UBE2E1: variants seen among roughly 807,000 people sequenced by gnomAD.
The protein encoded by UBE2E1 is ubiquitin conjugating enzyme E2 E1.
In UBE2E1, 6 loss-of-function variants were observed where a neutral mutation model predicts 21.4. The observed-to-expected ratio is 0.28, with a 90% CI of 0.15 to 0.55. The LOEUF (loss-of-function observed/expected upper bound fraction) is 0.55, where lower values mean the gene tolerates loss of function less well. UBE2E1 is among the 20% of genes least tolerant of loss of function. The pLI is 0.93. For synonymous variants in UBE2E1, 87 were observed against 82.7 expected, an observed-to-expected ratio of 1.05 and a Z score of -0.28; for missense variants, 142 against 236.5, an observed-to-expected ratio of 0.60 and a Z score of 2.62.
In UBE2E1 at chr3:23,873,447, A is replaced by AC. The variant is rs935271308; in HGVS notation, c.204-14120_204-14119insC. Among the ~76,000 whole-genome samples the AC allele has an allele frequency of 2.2e-4, 13 of 60,258 alleles. No homozygotes were observed. In the Admixed American group the frequency reaches 2.3e-3, roughly 11 times the overall value. 39.5% of individuals were successfully genotyped at this position (60,258 alleles called of 152,430 possible). A position where few individuals can be genotyped will look rare whatever the true frequency, so the allele number is the denominator to read the frequency against. ...TGGAGGTTGAGGTTGAAGCAGCAGC[A>AC]AAATGTCAGAATTAGGCAGTCGGGC... On this transcript the variant is annotated intron_variant, in intron 3 of 5. Coordinates refer to ENST00000306627, the MANE Select transcript of UBE2E1 (RefSeq NM_003341.5).
chr3:23,890,705 G>C lies in UBE2E1; in HGVS notation c.*99G>C, dbSNP rs1369607746. ...GAGGGTGGGAGTTGGTAAAGAGTAG[G>C]GTATTTCTATAACAGATATTATTCA... On this transcript the variant is annotated 3_prime_UTR_variant, in exon 6 of 6. Transcript: ENST00000306627. 9.5e-7 allele frequency: 1 copy of C among 1,054,674 alleles called. No individual in the cohort carries two copies. The highest frequency in any genetic ancestry group is 2.7e-5 in the East Asian group (1 of 37,368). 65.3% of individuals were successfully genotyped at this position (1,054,674 alleles called of 1,614,324 possible). A position where few individuals can be genotyped will look rare whatever the true frequency, so the allele number is the denominator to read the frequency against.
intron 3 of UBE2E1, among the ~76,000 whole-genome samples, chr3:23,845,054 T>TA (rs1300717171): frequency 6.6e-6 from 1 of 152,132 alleles, no homozygotes; most frequent in Non-Finnish European, 1.5e-5. Context: ...GATTCCTACT[T>TA]AATACCATAT....
At chr3:23,829,000 C>T (rs895208365) in intron 3 of UBE2E1, among the ~76,000 whole-genome samples, 5 of 152,016 alleles carry the variant, frequency 3.3e-5, no homozygotes, top group Non-Finnish European at 7.4e-5. Context: ...AAAATAAAAG[C>T]CCTCCAGTGG....
In UBE2E1 at chr3:23,806,281, G is replaced by C. The variant is rs1699265143; in HGVS notation, c.-34+193G>C. Among the ~76,000 whole-genome samples, 1 of 150,612 alleles carries C rather than the reference G, an allele frequency of 6.6e-6. No homozygotes were observed. The highest frequency in any genetic ancestry group is 1.5e-5 in the Non-Finnish European group (1 of 67,414). On this transcript the variant is annotated intron_variant, in intron 1 of 5. Coordinates refer to ENST00000306627, the MANE Select transcript of UBE2E1 (RefSeq NM_003341.5). The surrounding 1 kb of genome is among the most constrained non-coding windows in gnomAD (Gnocchi z 6.5). ...GGCCCGCCCGCGGGGGATGGGCAGG[G>C]ACCCCGGGCCGCGTGGGGTGCGGGG...
Position 23,847,488 on chromosome 3 carries a change from ATTTTTTT to A in UBE2E1, c.203+35996_203+36002del, listed in dbSNP as rs71057627. ...ATCTGTGTGTGTACATGTACTTTAAATTTTTTTTTTTTTTTTTTTTTTTTGAGACAGA... is the reference window on the plus strand; with the variant it reads ...ATCTGTGTGTGTACATGTACTTTAAATTTTTTTTTTTTTTTTTGAGACAGA... On this transcript the variant is annotated intron_variant, in intron 3 of 5. Transcript: ENST00000306627. Among the ~76,000 whole-genome samples, 295 of 96,138 alleles carry A rather than the reference ATTTTTTT, an allele frequency of 3.1e-3. 1 individual carries two copies. The highest frequency in any genetic ancestry group is 0.01 in the African/African-American group (257 of 24,682). 63.1% of individuals were successfully genotyped at this position (96,138 alleles called of 152,430 possible). A position where few individuals can be genotyped will look rare whatever the true frequency, so the allele number is the denominator to read the frequency against.
Position 23,823,594 on chromosome 3 carries a change from C to A in UBE2E1, c.203+12084C>A, listed in dbSNP as rs1341707519. Among the ~76,000 whole-genome samples the A allele has an allele frequency of 6.6e-6, 1 of 152,158 alleles. No homozygotes were observed. Among genetic ancestry groups the A allele is most frequent in the East Asian group, 1.9e-4 (1 of 5,200 alleles). On this transcript the variant is annotated intron_variant, in intron 3 of 5. Coordinates refer to ENST00000306627, the MANE Select transcript of UBE2E1 (RefSeq NM_003341.5). This position sits in a 1 kb window ranked among gnomAD's most constrained non-coding sequence, Gnocchi z 4.2. ...TTATAAAAATTTATTTCTTAGCAGA[C>A]TTTGCTACAACACATTTATCCTAAA...
At chr3:23,880,683 A>C (rs891284717) in intron 3 of UBE2E1, among the ~76,000 whole-genome samples, 10 of 152,242 alleles carry the variant, frequency 6.6e-5, no homozygotes, top group African/African-American at 2.4e-4. Flanking sequence ...GCAGCAGAGT[A>C]GTCTGTAATA....
In UBE2E1 at chr3:23,806,579, G is replaced by T. The variant is rs1247479186; in HGVS notation, c.-34+491G>T. Reference sequence around the variant, plus strand: ...GATCGGGCGTGTGCTCCGGACCCCCGCCCGGCCGCATAGCTGTGAGCAGGG... The same window carrying T: ...GATCGGGCGTGTGCTCCGGACCCCCTCCCGGCCGCATAGCTGTGAGCAGGG... On this transcript the variant is annotated intron_variant, in intron 1 of 5. Transcript: ENST00000306627. The surrounding 1 kb of genome is among the most constrained non-coding windows in gnomAD (Gnocchi z 6.5). Among the ~76,000 whole-genome samples the T allele has an allele frequency of 2.1e-5, 3 of 140,992 alleles. No homozygotes were observed. The allele number at this position is 140,992 out of a possible 152,430, so 92.5% of individuals were successfully genotyped here.
At chr3:23,868,225 C>T (rs1026927281) in intron 3 of UBE2E1, among the ~76,000 whole-genome samples, 13 of 152,224 alleles carry the variant, frequency 8.5e-5, no homozygotes, top group Non-Finnish European at 1.2e-4. Flanking sequence ...TCCCCCCCAC[C>T]TTTCCAAGTC....
At chr3:23,889,900 AT>A in intron 5 of UBE2E1, 1 of 174,732 alleles carries the variant, frequency 5.7e-6, no homozygotes. Context: ...GTCTCAAAAA[AT>A]ATATATATAT....
At chr3:23,814,550 G>A (rs1699471241) in intron 3 of UBE2E1, among the ~76,000 whole-genome samples, 1 of 151,976 alleles carries the variant, frequency 6.6e-6, no homozygotes, top group Admixed American at 6.6e-5. Flanking sequence ...TCTTCATTTT[G>A]GTTAGGCTTT....
At position 23,870,255 on chromosome 3, in the gene UBE2E1, A is replaced by G. The variant is rs1700755008; in HGVS notation, c.204-17312A>G. 6.6e-6 allele frequency among the ~76,000 whole-genome samples: 1 copy of G among 152,056 alleles called. No individual in the cohort carries two copies. The highest frequency in any genetic ancestry group is 2.1e-4 in the South Asian group (1 of 4,822). ...GAGAGACAGACAGCTGCAGGATGAG[A>G]TGGGGGGCCGGGGGGACCATAGCTC... On this transcript the variant is annotated intron_variant, in intron 3 of 5. Coordinates refer to ENST00000306627, the MANE Select transcript of UBE2E1 (RefSeq NM_003341.5). The surrounding 1 kb of genome is among the most constrained non-coding windows in gnomAD (Gnocchi z 4.2).
At chr3:23,826,769 CTAAACACATGTAATAAGGCTAATG>C (rs1699768765) in intron 3 of UBE2E1, among the ~76,000 whole-genome samples, 2 of 152,036 alleles carry the variant, frequency 1.3e-5, no homozygotes, top group Admixed American at 6.6e-5. Context: ...AAGGGGAGGT[CTAAACACATGTAATAAGGCTAATG>C]AAGAGATTGG....
chr3:23,809,962 T>C (rs1250772572), intron 2 of UBE2E1, among the ~76,000 whole-genome samples: 1 of 152,194 alleles, frequency 6.6e-6, no homozygotes, highest in Non-Finnish European at 1.5e-5. Flanking sequence ...CAAACCCCTT[T>C]CTAAAGTTGA....
At position 23,842,657 on chromosome 3, in the gene UBE2E1, T is replaced by A. The variant is rs1275393190; in HGVS notation, c.203+31147T>A. On this transcript the variant is annotated intron_variant, in intron 3 of 5. Transcript: ENST00000306627. The surrounding 1 kb of genome is among the most constrained non-coding windows in gnomAD (Gnocchi z 4.6). ...CTGTGTCAACACTGAACAGCATTTT[T>A]TGTGACGTAAAATCTCATTATCACA... is the stretch of plus-strand genomic sequence containing the variant. 6.6e-6 allele frequency among the ~76,000 whole-genome samples: 1 copy of A among 152,200 alleles called. No individual in the cohort carries two copies. Among genetic ancestry groups the A allele is most frequent in the Non-Finnish European group, 1.5e-5 (1 of 68,046 alleles).
chr3:23,821,480 CCCTGCTG>C (rs1699643880), intron 3 of UBE2E1, among the ~76,000 whole-genome samples: 1 of 152,156 alleles, frequency 6.6e-6, no homozygotes, highest in African/African-American at 2.4e-5. Flanking sequence ...TTCCCACCCT[CCCTGCTG>C]CATGGAAAAT....
intron 3 of UBE2E1, among the ~76,000 whole-genome samples, chr3:23,871,366 C>T (rs112412720): frequency 0.077 from 3,102 of 40,142 alleles, 448 homozygotes; most frequent in Middle Eastern, 0.22. Context: ...CCGGACGGGG[C>T]GGCTGGCCGG....
chr3:23,845,343 ACT>A (rs1295788730), intron 3 of UBE2E1, among the ~76,000 whole-genome samples: 1 of 152,090 alleles, frequency 6.6e-6, no homozygotes, highest in Non-Finnish European at 1.5e-5. Context: ...GCACATATAT[ACT>A]CTCTTGATAG....
chr3:23,868,572 G>T (rs761372496), intron 3 of UBE2E1, among the ~76,000 whole-genome samples: 1 of 152,150 alleles, frequency 6.6e-6, no homozygotes, highest in African/African-American at 2.4e-5. Context: ...CTCCCAAAGT[G>T]CTGGGATTAT....
Sources: allele counts gnomAD v4.1 joint callset (sites outside exome capture counted in the v4.1 genomes callset), GRCh38; gene constraint gnomAD v4.1.1; non-coding constraint Gnocchi (gnomAD v3.1); transcripts MANE v1.5; gene names NCBI Gene and HGNC (gene_info 2026-07-23, HGNC 2026-07-21).